SORCS1: variants seen among roughly 807,000 people sequenced by gnomAD.
The protein encoded by SORCS1 is VPS10 domain-containing receptor SorCS1.
SORCS1 carries 60 observed loss-of-function variants against 146.1 expected under a neutral mutation model. That is an observed-to-expected ratio of 0.41 (90% CI 0.33 to 0.51). The LOEUF is 0.51. SORCS1 is among the 20% of genes least tolerant of loss of function. The pLI is 0.21. For synonymous variants in SORCS1, 637 were observed against 584.0 expected (o/e 1.09, Z -1.31); for missense variants, 1,352 against 1,487.6 (o/e 0.91, Z 1.50).
intron 2 of SORCS1, among the ~76,000 whole-genome samples, chr10:106,924,163 ATAATCGCTTGAACCCGG>A (rs1952863730): frequency 6.6e-6 from 1 of 151,982 alleles, no homozygotes; most frequent in Non-Finnish European, 1.5e-5. Flanking sequence ...CTGAGACAGG[ATAATCGCTTGAACCCGG>A]GAGGTGGAGG....
At chr10:107,128,275 A>G (rs1054956585) in intron 1 of SORCS1, among the ~76,000 whole-genome samples, 106 of 152,336 alleles carry the variant, frequency 7.0e-4, no homozygotes, top group African/African-American at 2.5e-3. Context: ...GAATTTACAC[A>G]AAAGAAACAA....
At chr10:106,713,154 C>T (rs1340365679) in intron 6 of SORCS1, among the ~76,000 whole-genome samples, 2 of 151,972 alleles carry the variant, frequency 1.3e-5, no homozygotes, top group Non-Finnish European at 2.9e-5. Context: ...TACAGTCAAG[C>T]TTATATAACG....
intron 19 of SORCS1, among the ~76,000 whole-genome samples, chr10:106,625,089 T>G (rs1231783056): frequency 6.6e-6 from 1 of 152,200 alleles, no homozygotes; most frequent in Non-Finnish European, 1.5e-5. Flanking sequence ...GAAAGGTGGT[T>G]GAGAGAAATG....
At chr10:107,092,907 C>T (rs1316710397) in intron 1 of SORCS1, among the ~76,000 whole-genome samples, 1 of 98,190 alleles carries the variant, frequency 1.0e-5, no homozygotes, top group Admixed American at 9.5e-5. Flanking sequence ...AAAAAAAAAA[C>T]CTTACTGCTT....
intron 1 of SORCS1, among the ~76,000 whole-genome samples, chr10:107,083,826 T>A (rs1022494698): frequency 1.3e-5 from 2 of 152,158 alleles, no homozygotes; most frequent in African/African-American, 4.8e-5. Context: ...GCTAATCTAC[T>A]ATGATTCTGA....
chr10:107,160,955 C>T (rs1185446214), intron 1 of SORCS1, among the ~76,000 whole-genome samples: 3 of 152,168 alleles, frequency 2.0e-5, no homozygotes. Context: ...TTCTTGCTTA[C>T]GACACCAAGC....
chr10:107,176,813 T>G, the SORCS1 span, among the ~76,000 whole-genome samples: 1 of 152,190 alleles, frequency 6.6e-6, no homozygotes, highest in South Asian at 2.1e-4. Context: ...TTCTGTAATA[T>G]TTACCCTTAG....
chr10:106,856,301 A>G (rs1198707128), intron 2 of SORCS1, among the ~76,000 whole-genome samples: 1 of 152,156 alleles, frequency 6.6e-6, no homozygotes, highest in Non-Finnish European at 1.5e-5. Flanking sequence ...TGCTGGGATT[A>G]CTACAGGCGT....
At chr10:106,664,663 G>A (rs192467349) in intron 17 of SORCS1, among the ~76,000 whole-genome samples, 5 of 152,092 alleles carry the variant, frequency 3.3e-5, no homozygotes, top group African/African-American at 1.2e-4. Context: ...GGAAAAAAAA[G>A]ATCTCAATGA....
chr10:106,988,137 T>A (rs985924308), intron 1 of SORCS1, among the ~76,000 whole-genome samples: 2 of 152,182 alleles, frequency 1.3e-5, no homozygotes, highest in African/African-American at 2.4e-5. Context: ...ACAGAAGTAG[T>A]GGGAAAGGCA....
At position 107,027,677 on chromosome 10, in the gene SORCS1, GC is replaced by G. The variant is rs568213640; in HGVS notation, c.559-71098del. Among the ~76,000 whole-genome samples the G allele has an allele frequency of 1.6e-3, 239 of 152,290 alleles. 2 individuals are homozygous for G. The highest frequency in any genetic ancestry group is 3.4e-3 in the Middle Eastern group (1 of 294). On this transcript the variant is annotated intron_variant, in intron 1 of 25. Transcript: ENST00000263054. Reference sequence around the variant, plus strand: ...CCAGCCTGATTTATCAGCAGGATCAGCAAGGGCACCGCAGAAGTTTCAGTCA... The same window carrying G: ...CCAGCCTGATTTATCAGCAGGATCAGAAGGGCACCGCAGAAGTTTCAGTCA...
intron 2 of SORCS1, among the ~76,000 whole-genome samples, chr10:106,926,311 T>C (rs1358547653): frequency 6.6e-6 from 1 of 152,200 alleles, no homozygotes. Flanking sequence ...AATAATCGTG[T>C]GCCTTGAATA....
intron 1 of SORCS1, among the ~76,000 whole-genome samples, chr10:107,092,883 GAAA>G (rs34184443): frequency 8.1e-5 from 5 of 61,528 alleles, no homozygotes; most frequent in East Asian, 6.7e-4. Context: ...AGAAGACCAT[GAAA>G]AAAAAAAAAA....
chr10:106,732,739 ATAG>A (rs748263467), intron 5 of SORCS1, among the ~76,000 whole-genome samples: 3 of 152,196 alleles, frequency 2.0e-5, no homozygotes, highest in Non-Finnish European at 4.4e-5. Flanking sequence ...CAAATAAATA[ATAG>A]CAGTAGTTTT....
intron 1 of SORCS1, among the ~76,000 whole-genome samples, chr10:107,142,428 C>T (rs1967928121): frequency 6.6e-6 from 1 of 152,184 alleles, no homozygotes; most frequent in African/African-American, 2.4e-5. Flanking sequence ...TTAAATGACA[C>T]TTCTCAAGTA....
chr10:106,856,586 A>G (rs1042772498), intron 2 of SORCS1, among the ~76,000 whole-genome samples: 2 of 152,164 alleles, frequency 1.3e-5, no homozygotes, highest in Non-Finnish European at 2.9e-5. Flanking sequence ...GGCGTATTTC[A>G]AAATGGTTAC....
intron 25 of SORCS1, chr10:106,577,789 T>TG: frequency 4.6e-6 from 3 of 647,494 alleles, no homozygotes; most frequent in Non-Finnish European, 6.7e-6. Flanking sequence ...TTCTCTGGAC[T>TG]TGAAGGCAGA....
chr10:107,065,981 G>A (rs1961812927), intron 1 of SORCS1, among the ~76,000 whole-genome samples: 1 of 152,126 alleles, frequency 6.6e-6, no homozygotes, highest in African/African-American at 2.4e-5. Context: ...AGCACCAATG[G>A]CTTAACCAAT....
At chr10:106,799,038 A>G (rs1302658892) in intron 3 of SORCS1, among the ~76,000 whole-genome samples, 1 of 152,192 alleles carries the variant, frequency 6.6e-6, no homozygotes, top group East Asian at 1.9e-4. Context: ...AGAGATATAG[A>G]TCAACGGAAC....
Sources: gnomAD v4.1 joint callset for allele counts (sites outside exome capture counted in the v4.1 genomes callset) on GRCh38, gnomAD v4.1.1 for gene constraint, MANE v1.5 for transcripts, NCBI Gene and HGNC (gene_info 2026-07-23, HGNC 2026-07-21) for gene names.